Variants in XYLT1 observed in about 807,000 individuals in gnomAD.
XYLT1 encodes the protein xylosyltransferase 1, also known as beta-D-xylosyltransferase 1.
XYLT1 carries 36 observed loss-of-function variants against 91.3 expected under a neutral mutation model. The observed-to-expected ratio is 0.39, with a 90% CI of 0.30 to 0.52. XYLT1 has a LOEUF of 0.52. XYLT1 is among the 20% of genes least tolerant of loss of function. XYLT1 has a pLI of 0.68. For missense variants in XYLT1, 1,242 were observed against 1,284.5 expected, an observed-to-expected ratio of 0.97 and a Z score of 0.51; for synonymous variants, 588 against 532.0, an observed-to-expected ratio of 1.11 and a Z score of -1.45.
rs1202759098 is a variant in XYLT1 at position 17,117,723 on chromosome 16, T to C, written c.2480A>G (p.His827Arg). ...GGTCTCTGCAACTGGCACCCAGTGG[T>C]GGAGAATTTTCACTGTCCAGACCCC... ...RPGVWTVKIL[H>R]HWVPVAETKF... The change falls in exon 11 of 12, where the codon CAC (histidine) becomes CGC (arginine). Residue 827 changes from histidine to arginine, a missense_variant. Coordinates refer to ENST00000261381, the MANE Select transcript of XYLT1 (RefSeq NM_022166.4). 1.2e-6 allele frequency: 2 copies of C among 1,614,094 alleles called. No individual in the cohort carries two copies.
chr16:17,427,237 C>T (rs2036330247), intron 1 of XYLT1, among the ~76,000 whole-genome samples: 1 of 152,252 alleles, frequency 6.6e-6, no homozygotes, highest in Middle Eastern at 3.2e-3. Flanking sequence ...AAAATGTTGA[C>T]GCTTGGCTCA....
Position 17,141,223 on chromosome 16 carries a change from A to G in XYLT1, c.1517T>C (p.Val506Ala), listed in dbSNP as rs764570114. The G allele has an allele frequency of 6.2e-7, 1 of 1,614,230 alleles. No homozygotes were observed. The highest frequency in any genetic ancestry group is 2.2e-5 in the East Asian group (1 of 44,878). Reference sequence around the variant, plus strand: ...CACCAGATCGTCTGTGGAGAAGGTCACATATTCTACAAACCTCCGGTTCAG... The same window carrying G: ...CACCAGATCGTCTGTGGAGAAGGTCGCATATTCTACAAACCTCCGGTTCAG... ...FLLNRRFVEYVTFSTDDLVTK... is the reference protein window; with the variant it reads ...FLLNRRFVEYATFSTDDLVTK... Residue 506 changes from valine to alanine, a missense_variant, in exon 7 of 12, where the codon GTG becomes GCG. By Grantham distance (64) the Val-to-Ala change is moderately conservative (BLOSUM62 0). Transcript: ENST00000261381.
intron 3 of XYLT1, among the ~76,000 whole-genome samples, chr16:17,245,358 G>C (rs2033419845): frequency 6.6e-6 from 1 of 152,088 alleles, no homozygotes; most frequent in African/African-American, 2.4e-5. Context: ...CCTCTGAAAG[G>C]TTTCTCACTC....
At chr16:17,239,319 C>CATCA (rs2141732005) in intron 3 of XYLT1, among the ~76,000 whole-genome samples, 1 of 135,424 alleles carries the variant, frequency 7.4e-6, no homozygotes, top group Admixed American at 6.9e-5. Flanking sequence ...TCCATTCATC[C>CATCA]ATCCATCCAT....
intron 1 of XYLT1, among the ~76,000 whole-genome samples, chr16:17,462,941 T>A (rs2036841882): frequency 6.6e-6 from 1 of 152,178 alleles, no homozygotes; most frequent in African/African-American, 2.4e-5. Context: ...CACACTTTAA[T>A]ATCAACTCAT....
chr16:17,114,815 T>C (rs530372071), intron 11 of XYLT1, among the ~76,000 whole-genome samples: 4 of 129,164 alleles, frequency 3.1e-5, no homozygotes, highest in African/African-American at 1.2e-4. Flanking sequence ...TGTAACTGCA[T>C]GGGAACATAC....
chr16:17,145,440 G>A (rs1335431110), intron 6 of XYLT1, among the ~76,000 whole-genome samples: 4 of 152,216 alleles, frequency 2.6e-5, no homozygotes, highest in Admixed American at 1.3e-4. Context: ...TTGGATTGTT[G>A]CTGGAGTTAG....
intron 2 of XYLT1, among the ~76,000 whole-genome samples, chr16:17,324,805 G>A (rs1264520854): frequency 2.0e-5 from 3 of 151,480 alleles, no homozygotes; most frequent in South Asian, 2.1e-4. Flanking sequence ...AACAAAGACC[G>A]GAAAGACATG....
At chr16:17,450,211 G>A (rs1162108913) in intron 1 of XYLT1, among the ~76,000 whole-genome samples, 3 of 152,084 alleles carry the variant, frequency 2.0e-5, no homozygotes, top group Non-Finnish European at 2.9e-5. Flanking sequence ...GGTGGCAGGC[G>A]CCTGTAATCC....
intron 2 of XYLT1, among the ~76,000 whole-genome samples, chr16:17,305,004 G>T (rs1200738150): frequency 2.6e-5 from 4 of 152,180 alleles, no homozygotes; most frequent in Admixed American, 1.3e-4. Context: ...GGAAGTCCTT[G>T]CATGTTTATA....
chr16:17,432,425 G>A (rs951229319), intron 1 of XYLT1, among the ~76,000 whole-genome samples: 5 of 152,106 alleles, frequency 3.3e-5, no homozygotes, highest in African/African-American at 1.2e-4. Context: ...AAAACATCAC[G>A]TGATAGCCAG....
chr16:17,287,747 GA>G (rs1273002387), intron 2 of XYLT1, among the ~76,000 whole-genome samples: 8 of 152,142 alleles, frequency 5.3e-5, no homozygotes, highest in African/African-American at 1.9e-4. Context: ...GTCAAGTGAG[GA>G]GCAGGGGAGG....
At chr16:17,368,985 A>T (rs2035490974) in intron 1 of XYLT1, among the ~76,000 whole-genome samples, 1 of 151,718 alleles carries the variant, frequency 6.6e-6, no homozygotes, top group Admixed American at 6.6e-5. Flanking sequence ...AGGCTCAGAG[A>T]GTTTCAAAGA....
At chr16:17,427,425 T>C (rs921767056) in intron 1 of XYLT1, among the ~76,000 whole-genome samples, 21 of 152,328 alleles carry the variant, frequency 1.4e-4, no homozygotes, top group African/African-American at 4.6e-4. Context: ...CCTGAGTAGC[T>C]GGGACTACAA....
chr16:17,432,194 T>C (rs1221709595), intron 1 of XYLT1, among the ~76,000 whole-genome samples: 1 of 152,152 alleles, frequency 6.6e-6, no homozygotes, highest in East Asian at 1.9e-4. Flanking sequence ...AAATTTGCCA[T>C]GTGACCCAGG....
chr16:17,208,918 G>A (rs2032708717), intron 3 of XYLT1, among the ~76,000 whole-genome samples: 1 of 152,166 alleles, frequency 6.6e-6, no homozygotes, highest in African/African-American at 2.4e-5. Flanking sequence ...GTAGAGATGG[G>A]GTTTTGCCAT....
intron 2 of XYLT1, among the ~76,000 whole-genome samples, chr16:17,313,241 C>T (rs571863642): frequency 1.4e-3 from 209 of 152,330 alleles, no homozygotes; most frequent in African/African-American, 4.9e-3. Context: ...TCACAGAGGC[C>T]TGCTTGTGAG....
At chr16:17,216,792 G>A (rs746271940) in intron 3 of XYLT1, among the ~76,000 whole-genome samples, 7 of 152,174 alleles carry the variant, frequency 4.6e-5, no homozygotes, top group African/African-American at 1.4e-4. Flanking sequence ...GTGAGTCCAA[G>A]CAAACTGATT....
chr16:17,269,818 T>TATTATTATTATTATTATTATC lies in XYLT1; in HGVS notation c.403-10321_403-10320insGATAATAATAATAATAATAAT, dbSNP rs1361680760. Among the ~76,000 whole-genome samples, 16 of 149,702 alleles carry TATTATTATTATTATTATTATC rather than the reference T, an allele frequency of 1.1e-4. 1 individual carries two copies. The highest frequency in any genetic ancestry group is 6.3e-4 in the South Asian group (3 of 4,754). On this transcript the variant is annotated intron_variant, in intron 2 of 11. Coordinates refer to ENST00000261381, the MANE Select transcript of XYLT1 (RefSeq NM_022166.4). ...TTATTATTATTATTATTATTATTAT[T>TATTATTATTATTATTATTATC]ATCATTATTTTGAGATGGAGTCTCC...
Sources: gnomAD v4.1 joint callset for allele counts (sites outside exome capture counted in the v4.1 genomes callset) on GRCh38, gnomAD v4.1.1 for gene constraint, MANE v1.5 for transcripts, NCBI Gene and HGNC (gene_info 2026-07-23, HGNC 2026-07-21) for gene names.